The following GRM3 variants were observed in gnomAD, a reference collection of about 807,000 sequenced individuals.
GRM3 encodes glutamate metabotropic receptor 3, also known as metabotropic glutamate receptor 3.
In GRM3, 26 loss-of-function variants were observed where a neutral mutation model predicts 70.5. The observed-to-expected ratio is 0.37, with a 90% confidence interval of 0.27 to 0.51. The LOEUF (loss-of-function observed/expected upper bound fraction) is 0.51. Among genes scored for constraint, GRM3 ranks in the 20% least tolerant of loss-of-function variants. The pLI, the probability that GRM3 is intolerant of heterozygous loss-of-function variation, is 0.93. For missense variants in GRM3, 859 were observed against 1,123.8 expected, an observed-to-expected ratio of 0.76 and a Z score of 3.37; for synonymous variants, 443 against 434.9, an observed-to-expected ratio of 1.02 and a Z score of -0.23.
At chr7:86,832,060 G>A (rs546841089) in intron 3 of GRM3, among the ~76,000 whole-genome samples, 4 of 152,096 alleles carry the variant, frequency 2.6e-5, no homozygotes, top group East Asian at 1.9e-4. Context: ...CATGAGGTTC[G>A]TAAAATATTT....
chr7:86,764,457 C>G (rs1228509998), intron 1 of GRM3, among the ~76,000 whole-genome samples: 2 of 152,046 alleles, frequency 1.3e-5, no homozygotes, highest in Non-Finnish European at 2.9e-5. Flanking sequence ...GACTCTTAAC[C>G]TCAATGGGCT....
chr7:86,692,347 T>C (rs1467439751), intron 1 of GRM3, among the ~76,000 whole-genome samples: 1 of 152,214 alleles, frequency 6.6e-6, no homozygotes, highest in African/African-American at 2.4e-5. Context: ...ACCATCTCTT[T>C]GACTCTCTCT....
intron 1 of GRM3, among the ~76,000 whole-genome samples, chr7:86,683,016 A>G (rs528242406): frequency 1.5e-4 from 23 of 152,328 alleles, no homozygotes; most frequent in Admixed American, 7.9e-4. Context: ...TCAGATTTGA[A>G]CTGAACAAAT....
chr7:86,661,899 C>T (rs1002582284), intron 1 of GRM3, among the ~76,000 whole-genome samples: 1 of 151,900 alleles, frequency 6.6e-6, no homozygotes, highest in South Asian at 2.1e-4. Flanking sequence ...AGGCACTTTA[C>T]TTTCACAGTT....
chr7:86,852,751 T>C (rs751426770), intron 5 of GRM3, among the ~76,000 whole-genome samples: 1 of 152,140 alleles, frequency 6.6e-6, no homozygotes, highest in Non-Finnish European at 1.5e-5. Flanking sequence ...ACAAATACAT[T>C]CACCTGTTAT....
At chr7:86,793,972 C>T (rs1797488113) in intron 3 of GRM3, among the ~76,000 whole-genome samples, 1 of 151,984 alleles carries the variant, frequency 6.6e-6, no homozygotes, top group Admixed American at 6.6e-5. Flanking sequence ...AGTAAAAATA[C>T]TATTTCCTTG....
chr7:86,837,798 C>A (rs1798486947), intron 3 of GRM3, among the ~76,000 whole-genome samples: 1 of 152,110 alleles, frequency 6.6e-6, no homozygotes, highest in Admixed American at 6.5e-5. Flanking sequence ...GTCTATTTAC[C>A]AACACAGGCA....
At chr7:86,848,994 C>G (rs959500456) in intron 4 of GRM3, among the ~76,000 whole-genome samples, 1 of 152,176 alleles carries the variant, frequency 6.6e-6, no homozygotes, top group African/African-American at 2.4e-5. Flanking sequence ...CTCCTCACCT[C>G]TTCTTGTAAT....
intron 2 of GRM3, among the ~76,000 whole-genome samples, chr7:86,772,568 A>T (rs963869409): frequency 6.6e-6 from 1 of 152,080 alleles, no homozygotes; most frequent in Admixed American, 6.6e-5. Context: ...CCAAGGCTCA[A>T]CACAACTAGA....
chr7:86,700,902 C>T (rs537390591), intron 1 of GRM3, among the ~76,000 whole-genome samples: 34 of 151,986 alleles, frequency 2.2e-4, no homozygotes, highest in African/African-American at 7.7e-4. Context: ...TTAACTTACC[C>T]TCTACTAATT....
At chr7:86,740,406 C>T (rs979835104) in intron 1 of GRM3, among the ~76,000 whole-genome samples, 2 of 152,006 alleles carry the variant, frequency 1.3e-5, no homozygotes, top group Non-Finnish European at 2.9e-5. Context: ...CAAAGCAATA[C>T]TCCCTTGATT....
intron 1 of GRM3, among the ~76,000 whole-genome samples, chr7:86,744,154 G>A (rs1796050440): frequency 6.6e-6 from 1 of 151,946 alleles, no homozygotes; most frequent in Non-Finnish European, 1.5e-5. Context: ...TTGCTCTCTT[G>A]TGCCTGACCA....
At chr7:86,686,948 T>C (rs1794582376) in intron 1 of GRM3, among the ~76,000 whole-genome samples, 1 of 151,806 alleles carries the variant, frequency 6.6e-6, no homozygotes, top group African/African-American at 2.4e-5. Context: ...CAACTGAAAA[T>C]ATAAAAATTG....
intron 1 of GRM3, among the ~76,000 whole-genome samples, chr7:86,656,963 A>G (rs921973039): frequency 6.6e-6 from 1 of 152,168 alleles, no homozygotes; most frequent in Non-Finnish European, 1.5e-5. Flanking sequence ...GCATATAATA[A>G]TGCATATTTA....
intron 5 of GRM3, among the ~76,000 whole-genome samples, chr7:86,863,615 A>G (rs368861978): frequency 3.3e-5 from 5 of 152,322 alleles, no homozygotes; most frequent in African/African-American, 1.2e-4. Context: ...CCACTTGAAC[A>G]ATGAAAATAT....
chr7:86,776,327 A>G (rs1358971683), intron 2 of GRM3, among the ~76,000 whole-genome samples: 1 of 152,162 alleles, frequency 6.6e-6, no homozygotes, highest in Non-Finnish European at 1.5e-5. Flanking sequence ...TGAGATTCCA[A>G]TGCTGGCCTG....
chr7:86,720,139 TAAG>T (rs2116222341), intron 1 of GRM3, among the ~76,000 whole-genome samples: 1 of 151,842 alleles, frequency 6.6e-6, no homozygotes, highest in East Asian at 2.0e-4. Flanking sequence ...GAAACAAGGA[TAAG>T]AAGATGATGA....
In GRM3 at chr7:86,787,110, T is replaced by C. The variant is rs760279232; in HGVS notation, c.1318T>C (p.Phe440Leu). The change falls in exon 3 of 6, where the codon TTC (phenylalanine) becomes CTC (leucine). Residue 440 changes from phenylalanine to leucine, a missense_variant. By Grantham distance (22) the Phe-to-Leu change is conservative. Transcript: ENST00000361669. ...LYKDYLLKIN[F>L]TAPFNPNKDA... is the part of the protein sequence containing the mutation. ...CAAGGATTACTTGCTGAAAATCAAC[T>C]TCACGGGTAAGCCAAGAGCCTTTAA... The C allele has an allele frequency of 1.9e-6, 3 of 1,599,816 alleles. No individual in the cohort carries two copies. The highest frequency in any genetic ancestry group is 1.7e-6 in the Non-Finnish European group (2 of 1,171,330).
At chr7:86,742,350 C>G (rs1796009455) in intron 1 of GRM3, among the ~76,000 whole-genome samples, 1 of 152,116 alleles carries the variant, frequency 6.6e-6, no homozygotes. Flanking sequence ...AAGTCCTGTC[C>G]AAGTTCAAGG....
Sources: gnomAD v4.1 joint callset for allele counts (sites outside exome capture counted in the v4.1 genomes callset) on GRCh38, gnomAD v4.1.1 for gene constraint, MANE v1.5 for transcripts, NCBI Gene and HGNC (gene_info 2026-07-23, HGNC 2026-07-21) for gene names.